Variants in MYO16 observed in about 807,000 individuals in gnomAD.
The protein encoded by MYO16 is myosin XVI.
MYO16 carries 94 observed loss-of-function variants against 205.3 expected under a neutral mutation model. The observed-to-expected ratio is 0.46, with a 90% confidence interval of 0.39 to 0.54. The LOEUF is 0.54. MYO16 is among the 20% of genes least tolerant of loss of function. The pLI is 0.00. For missense variants in MYO16, 2,315 were observed against 2,387.5 expected, an observed-to-expected ratio of 0.97 and a Z score of 0.63; for synonymous variants, 988 against 954.0, an observed-to-expected ratio of 1.04 and a Z score of -0.66.
At chr13:108,729,726 G>C (rs1460996408) in intron 4 of MYO16, among the ~76,000 whole-genome samples, 1 of 152,182 alleles carries the variant, frequency 6.6e-6, no homozygotes, top group East Asian at 1.9e-4. Flanking sequence ...ACAGGCTTCA[G>C]TTTCTTGAGT....
chr13:108,811,046 C>G (rs368505360), intron 7 of MYO16, among the ~76,000 whole-genome samples: 1 of 152,178 alleles, frequency 6.6e-6, no homozygotes. Flanking sequence ...AAATTTCATT[C>G]TAGTCTTGTA....
intron 4 of MYO16, among the ~76,000 whole-genome samples, chr13:108,778,543 C>T (rs140939133): frequency 0.016 from 2,415 of 152,234 alleles, 34 homozygotes; most frequent in South Asian, 0.054. Context: ...CGCTTGAACC[C>T]GGGAGGCGAA....
chr13:109,087,128 G>A (rs554347258), intron 27 of MYO16, among the ~76,000 whole-genome samples: 5 of 152,334 alleles, frequency 3.3e-5, no homozygotes, highest in East Asian at 3.9e-4. Flanking sequence ...CGAAGGAGGT[G>A]TGCAGAGGAA....
intron 20 of MYO16, among the ~76,000 whole-genome samples, chr13:108,970,355 G>A (rs964751404): frequency 2.6e-5 from 4 of 152,154 alleles, no homozygotes; most frequent in African/African-American, 9.7e-5. Context: ...TATTCAATGG[G>A]GGTAATATTT....
intron 28 of MYO16, among the ~76,000 whole-genome samples, chr13:109,109,768 G>A (rs1168800366): frequency 1.3e-5 from 2 of 152,122 alleles, no homozygotes; most frequent in African/African-American, 2.4e-5. Context: ...AAAAGACTCG[G>A]CCCTTTAGGG....
At chr13:109,077,620 G>A (rs1888151801) in intron 27 of MYO16, among the ~76,000 whole-genome samples, 2 of 152,146 alleles carry the variant, frequency 1.3e-5, no homozygotes, top group Non-Finnish European at 2.9e-5. Flanking sequence ...GTATTTTTAA[G>A]GTTTTACTCT....
chr13:109,167,905 G>A (rs1594151730), intron 33 of MYO16, among the ~76,000 whole-genome samples: 1 of 152,016 alleles, frequency 6.6e-6, no homozygotes. Context: ...AAAATGAAAG[G>A]AATTAAACAC....
At chr13:108,705,138 C>T (rs1883458782) in intron 2 of MYO16, among the ~76,000 whole-genome samples, 1 of 152,124 alleles carries the variant, frequency 6.6e-6, no homozygotes, top group Admixed American at 6.6e-5. Flanking sequence ...TTAAATTGCA[C>T]AACATTCTGA....
rs541459452 is a variant in MYO16, at chr13:109,155,437, C to T, written c.5165-9464C>T. Among the ~76,000 whole-genome samples, 9 of 152,276 alleles carry T rather than the reference C, an allele frequency of 5.9e-5. No individual in the cohort carries two copies. In the South Asian group the frequency reaches 1.9e-3, roughly 32 times the overall value. On this transcript the variant is annotated intron_variant, in intron 32 of 34. Coordinates refer to ENST00000457511, the MANE Select transcript of MYO16 (RefSeq NM_001198950.3). ...AGGAAGGAATGTCGGGAGCCCAGCC[C>T]GAGACATTTAAAGTCAGTAGAGGGC...
At chr13:108,773,522 C>T (rs1886033025) in intron 4 of MYO16, among the ~76,000 whole-genome samples, 1 of 152,152 alleles carries the variant, frequency 6.6e-6, no homozygotes, top group Non-Finnish European at 1.5e-5. Context: ...CTGCCTTCAT[C>T]CTCACGTGGC....
At chr13:108,611,972 C>CTTTTTTTTTTTTT (rs201871787) in intron 1 of MYO16, among the ~76,000 whole-genome samples, 158 of 89,760 alleles carry the variant, frequency 1.8e-3, no homozygotes, top group South Asian at 2.0e-3. Context: ...TTTTTTTTTT[C>CTTTTTTTTTTTTT]TTTTTTTTTT....
chr13:108,533,469 G>T, the MYO16 span, among the ~76,000 whole-genome samples: 3 of 152,168 alleles, frequency 2.0e-5, no homozygotes, highest in African/African-American at 7.2e-5. Flanking sequence ...AGCCATGTGG[G>T]CAATGCATCA....
chr13:109,017,250 C>A lies in MYO16; in HGVS notation c.2596-2461C>A, dbSNP rs569367282. ...GCTTAGTTTGGCTGGATGTGAAATT[C>A]TGGGTTGAAAATTCTTTTCTTTAAG... is the stretch of plus-strand genomic sequence containing the variant. On this transcript the variant is annotated intron_variant, in intron 22 of 34. Transcript: ENST00000457511. 3.0e-3 allele frequency among the ~76,000 whole-genome samples: 455 copies of A among 152,266 alleles called. 2 individuals are homozygous for A. The highest frequency in any genetic ancestry group is 0.011 in the African/African-American group (440 of 41,546).
rs116718125 is a variant in MYO16 at position 108,713,600 on chromosome 13, C to T, written c.363+869C>T. 5.0e-3 allele frequency among the ~76,000 whole-genome samples: 754 copies of T among 152,306 alleles called. 4 individuals are homozygous for T. The highest frequency in any genetic ancestry group is 0.017 in the African/African-American group (724 of 41,564). Reference sequence around the variant, plus strand: ...TTTTTTCTGGGATGTAGCTTGACCGCTGGGAGTTGTTAAGACTTCCCAGGT... The same window carrying T: ...TTTTTTCTGGGATGTAGCTTGACCGTTGGGAGTTGTTAAGACTTCCCAGGT... On this transcript the variant is annotated intron_variant, in intron 3 of 34. Transcript: ENST00000457511.
chr13:109,071,997 A>G (rs1887938329), intron 27 of MYO16, among the ~76,000 whole-genome samples: 2 of 152,164 alleles, frequency 1.3e-5, no homozygotes, highest in Non-Finnish European at 2.9e-5. Flanking sequence ...TTAGTTCTTT[A>G]TTGTACTATG....
At chr13:108,587,442 T>C in the MYO16 span, among the ~76,000 whole-genome samples, 3 of 152,192 alleles carry the variant, frequency 2.0e-5, no homozygotes, top group African/African-American at 7.2e-5. Context: ...TGAGCTAGTT[T>C]CATCATCAGG....
chr13:108,834,256 A>G (rs549870840), intron 9 of MYO16, among the ~76,000 whole-genome samples: 2 of 152,278 alleles, frequency 1.3e-5, no homozygotes, highest in South Asian at 4.1e-4. Flanking sequence ...CATCAAGGTG[A>G]TTAAGCCATG....
At chr13:108,671,200 T>G (rs941635120) in intron 2 of MYO16, among the ~76,000 whole-genome samples, 5 of 152,224 alleles carry the variant, frequency 3.3e-5, no homozygotes, top group African/African-American at 1.2e-4. Flanking sequence ...TCTCACATTT[T>G]GCATGGTGTA....
intron 6 of MYO16, among the ~76,000 whole-genome samples, chr13:108,797,579 T>C (rs1886831737): frequency 6.6e-6 from 1 of 152,154 alleles, no homozygotes; most frequent in Non-Finnish European, 1.5e-5. Context: ...TAAATGGGAA[T>C]TGTGAATTGG....
Sources: gnomAD v4.1 joint callset for allele counts (sites outside exome capture counted in the v4.1 genomes callset) on GRCh38, gnomAD v4.1.1 for gene constraint, MANE v1.5 for transcripts, NCBI Gene and HGNC (gene_info 2026-07-23, HGNC 2026-07-21) for gene names.